The following PCDH9 variants were observed in gnomAD, a reference collection of about 807,000 sequenced individuals.
PCDH9 encodes the protein protocadherin 9.
A neutral mutation model predicts 70.6 loss-of-function variants in PCDH9; 24 were observed. The observed-to-expected ratio is 0.34, with a 90% CI of 0.25 to 0.48. The LOEUF is 0.48. Among genes scored for constraint, PCDH9 ranks in the 20% least tolerant of loss-of-function variants. The pLI is 0.99. For synonymous variants in PCDH9, 562 were observed against 558.5 expected, an observed-to-expected ratio of 1.01 and a Z score of -0.09; for missense variants, 1,281 against 1,503.6, an observed-to-expected ratio of 0.85 and a Z score of 2.45.
At chr13:66,431,549 C>T (rs1466687361) in intron 4 of PCDH9, among the ~76,000 whole-genome samples, 1 of 151,960 alleles carries the variant, frequency 6.6e-6, no homozygotes, top group Non-Finnish European at 1.5e-5. Flanking sequence ...GGATATGCAT[C>T]GTATCTAATT....
intron 4 of PCDH9, among the ~76,000 whole-genome samples, chr13:66,429,568 G>A (rs574122562): frequency 6.6e-6 from 1 of 151,776 alleles, no homozygotes; most frequent in Admixed American, 6.6e-5. Context: ...AGTTTGAAGA[G>A]TACAAACGGA....
chr13:66,303,011 T>G lies in PCDH9; in HGVS notation c.*1644A>C, dbSNP rs1478418993. ...TGCACCCCTACCCATTATTTTCCAT[T>G]ATACTGTGGAAAAATGTGAACTGCT... On this transcript the variant is annotated 3_prime_UTR_variant, in exon 5 of 5. Transcript: ENST00000377865. 1.3e-5 allele frequency: 2 copies of G among 152,486 alleles called. No homozygotes were observed. The highest frequency in any genetic ancestry group is 3.8e-4 in the East Asian group (2 of 5,196). 9.4% of individuals were successfully genotyped at this position (152,486 alleles called of 1,614,324 possible). A position where few individuals can be genotyped will look rare whatever the true frequency, so the allele number is the denominator to read the frequency against.
intron 3 of PCDH9, among the ~76,000 whole-genome samples, chr13:66,643,642 C>T (rs761824663): frequency 5.9e-4 from 89 of 152,132 alleles, no homozygotes; most frequent in Non-Finnish European, 2.2e-4. Flanking sequence ...ATGTCAAAAG[C>T]TTCTGTAAGT....
At chr13:67,200,051 TG>T (rs966348695) in intron 2 of PCDH9, among the ~76,000 whole-genome samples, 9 of 152,122 alleles carry the variant, frequency 5.9e-5, no homozygotes, top group Admixed American at 5.9e-4. Context: ...AAAGCAATTT[TG>T]GAACATGCAT....
At chr13:66,613,008 CAA>C (rs1424631724) in intron 4 of PCDH9, among the ~76,000 whole-genome samples, 1 of 152,108 alleles carries the variant, frequency 6.6e-6, no homozygotes, top group Non-Finnish European at 1.5e-5. Flanking sequence ...AATGGGGACT[CAA>C]AATCTCTCAC....
intron 4 of PCDH9, among the ~76,000 whole-genome samples, chr13:66,413,659 C>G (rs1957411405): frequency 6.6e-6 from 1 of 151,728 alleles, no homozygotes; most frequent in Admixed American, 6.6e-5. Context: ...GCACTCCACC[C>G]TGGGCAACAG....
chr13:66,338,212 C>T (rs899869180), intron 4 of PCDH9, among the ~76,000 whole-genome samples: 4 of 152,074 alleles, frequency 2.6e-5, no homozygotes, highest in African/African-American at 9.7e-5. Flanking sequence ...CCAATTAACA[C>T]ATTCCCGCTC....
At chr13:66,530,421 A>C (rs1384864936) in intron 4 of PCDH9, among the ~76,000 whole-genome samples, 2 of 152,072 alleles carry the variant, frequency 1.3e-5, no homozygotes, top group Non-Finnish European at 2.9e-5. Flanking sequence ...GAGATAAATT[A>C]TGTCCATAGT....
At chr13:67,065,003 C>A (rs963736611) in intron 2 of PCDH9, among the ~76,000 whole-genome samples, 1 of 151,760 alleles carries the variant, frequency 6.6e-6, no homozygotes, top group African/African-American at 2.4e-5. Context: ...CCTGAATGAA[C>A]CTAAGGGATT....
intron 4 of PCDH9, among the ~76,000 whole-genome samples, chr13:66,364,993 C>A (rs953729455): frequency 4.6e-5 from 7 of 152,172 alleles, no homozygotes; most frequent in African/African-American, 1.7e-4. Context: ...ACATACATTT[C>A]AGAAAGGATG....
chr13:67,165,302 GTTGT>G (rs1204818334), intron 2 of PCDH9, among the ~76,000 whole-genome samples: 3 of 151,842 alleles, frequency 2.0e-5, no homozygotes, highest in Admixed American at 6.6e-5. Context: ...TACTATAATT[GTTGT>G]TTATCTGATT....
intron 3 of PCDH9, among the ~76,000 whole-genome samples, chr13:66,831,937 T>A (rs548025076): frequency 6.6e-6 from 1 of 152,276 alleles, no homozygotes; most frequent in Non-Finnish European, 1.5e-5. Context: ...TAATTCCTTA[T>A]AAATCATTTT....
chr13:67,227,908 T>C lies in PCDH9; in HGVS notation c.533A>G (p.His178Arg), dbSNP rs1593659690. Residue 178 changes from histidine (H) to arginine (R), a missense_variant, in exon 2 of 5, where the codon CAT (histidine) becomes CGT (arginine). His to Arg is a conservative substitution (Grantham distance 29, BLOSUM62 0). Transcript: ENST00000377865. The surrounding 1 kb of genome is among the most constrained non-coding windows in gnomAD (Gnocchi z 4.6). ...DPDTGFNGVQ[H>R]YELLNGQSVF... is the part of the protein sequence containing the mutation. Reference sequence around the variant, plus strand: ...ACTCTGCCCATTTAACAATTCATAATGCTGTACACCATTGAAGCCTGTGTC... The same window carrying C: ...ACTCTGCCCATTTAACAATTCATAACGCTGTACACCATTGAAGCCTGTGTC... 6.2e-7 allele frequency: 1 copy of C among 1,614,142 alleles called. No individual in the cohort carries two copies. The highest frequency in any genetic ancestry group is 8.5e-7 in the Non-Finnish European group (1 of 1,180,010).
At chr13:67,045,547 C>T (rs2139918058) in intron 2 of PCDH9, among the ~76,000 whole-genome samples, 1 of 150,408 alleles carries the variant, frequency 6.6e-6, no homozygotes, top group Non-Finnish European at 1.5e-5. Context: ...CCAGAAACAA[C>T]AACAAGAAAA....
chr13:66,556,771 C>T (rs189342573), intron 4 of PCDH9, among the ~76,000 whole-genome samples: 232 of 152,230 alleles, frequency 1.5e-3, no homozygotes, highest in Non-Finnish European at 2.6e-3. Flanking sequence ...CAGGCTATAG[C>T]TGTTTGGTAG....
intron 4 of PCDH9, among the ~76,000 whole-genome samples, chr13:66,336,397 C>T (rs1485939685): frequency 1.3e-5 from 2 of 151,788 alleles, no homozygotes; most frequent in African/African-American, 4.8e-5. Context: ...TTATATACTT[C>T]AGAGCTGTTC....
chr13:66,856,651 C>G (rs931868350), intron 3 of PCDH9, among the ~76,000 whole-genome samples: 59 of 151,980 alleles, frequency 3.9e-4, no homozygotes, highest in African/African-American at 1.4e-3. Flanking sequence ...TTGATTAGCA[C>G]TATTGCCAGA....
chr13:66,692,655 A>C (rs747813065), intron 3 of PCDH9, among the ~76,000 whole-genome samples: 4 of 152,066 alleles, frequency 2.6e-5, no homozygotes, highest in Admixed American at 6.6e-5. Flanking sequence ...TATTTTACTC[A>C]AATACTCTTA....
At chr13:67,081,718 A>C (rs1385950013) in intron 2 of PCDH9, among the ~76,000 whole-genome samples, 4 of 152,166 alleles carry the variant, frequency 2.6e-5, no homozygotes, top group African/African-American at 9.7e-5. Flanking sequence ...ATGTACTGCA[A>C]ATCTTCTGTT....
Sources: allele counts gnomAD v4.1 joint callset (sites outside exome capture counted in the v4.1 genomes callset), GRCh38; gene constraint gnomAD v4.1.1; non-coding constraint Gnocchi (gnomAD v3.1); transcripts MANE v1.5; gene names NCBI Gene and HGNC (gene_info 2026-07-23, HGNC 2026-07-21).